The following PRORP variants were observed in gnomAD, a reference collection of about 807,000 sequenced individuals.
The protein encoded by PRORP is mitochondrial ribonuclease P catalytic subunit.
A neutral mutation model predicts 59.4 loss-of-function variants in PRORP; 51 were observed. That is an observed-to-expected ratio of 0.86 (90% confidence interval 0.69 to 1.08). The LOEUF (loss-of-function observed/expected upper bound fraction) is 1.08. PRORP is among the 50% of genes least tolerant of loss of function. The probability of loss-of-function intolerance (pLI) is 0.00; values close to 1 mark genes in which losing one functional copy is unlikely to be tolerated. For synonymous variants in PRORP, 231 were observed against 245.6 expected (o/e 0.94, Z 0.55); for missense variants, 646 against 690.3 (o/e 0.94, Z 0.72).
chr14:35,164,839 CTT>C (rs902671810), intron 4 of PRORP, among the ~76,000 whole-genome samples: 3 of 152,112 alleles, frequency 2.0e-5, no homozygotes, highest in African/African-American at 7.2e-5. Flanking sequence ...TTATTAGTCT[CTT>C]TTGGGGAGGG....
chr14:35,151,645 C>CACACAG (rs1274022431), intron 4 of PRORP, among the ~76,000 whole-genome samples: 1 of 96,546 alleles, frequency 1.0e-5, no homozygotes, highest in African/African-American at 3.0e-5. Context: ...CACATACACA[C>CACACAG]ACACACACAC....
chr14:35,158,865 C>A (rs949800196), intron 4 of PRORP: 11 of 304,572 alleles, frequency 3.6e-5, no homozygotes, highest in Non-Finnish European at 6.4e-5. Flanking sequence ...CTGGAGAATG[C>A]AAATCTATGA....
rs2047461488 is a variant in PRORP at position 35,140,612 on chromosome 14, A to G, written c.1167+13001A>G. Reference sequence around the variant, plus strand: ...GTCCTAAGTCCAATATATTTTACAAATATTTTCTGTCAGTCTGTGGTTGAC... The same window carrying G: ...GTCCTAAGTCCAATATATTTTACAAGTATTTTCTGTCAGTCTGTGGTTGAC... On this transcript the variant is annotated intron_variant, in intron 4 of 7. Transcript: ENST00000534898. Among the ~76,000 whole-genome samples, 2 of 145,616 alleles carry G rather than the reference A, an allele frequency of 1.4e-5. 1 individual carries two copies. Among genetic ancestry groups the G allele is most frequent in the Non-Finnish European group, 3.1e-5 (2 of 65,572 alleles).
At chr14:35,178,062 T>A (rs7401469) in intron 4 of PRORP, among the ~76,000 whole-genome samples, 61,196 of 151,826 alleles carry the variant, frequency 0.4, 12,821 homozygotes, top group East Asian at 0.69. Context: ...GTTGAGTGAG[T>A]TTCTTAATCC....
At chr14:35,238,431 A>G (rs1371324630) in intron 5 of PRORP, among the ~76,000 whole-genome samples, 2 of 152,234 alleles carry the variant, frequency 1.3e-5, no homozygotes. Context: ...GGAAAATGAC[A>G]CAAAGAAAGC....
Position 35,152,876 on chromosome 14 carries a change from G to A in PRORP, c.1167+25265G>A, listed in dbSNP as rs879975422. 1.3e-4 allele frequency among the ~76,000 whole-genome samples: 20 copies of A among 151,538 alleles called. 1 individual carries two copies. The highest frequency in any genetic ancestry group is 3.5e-3 in the Middle Eastern group (1 of 288). ...ATCCTCATTTCCTAGACGGGATGGC[G>A]GCTGGGAAGAGGCGCTCCTCACTTC... On this transcript the variant is annotated intron_variant, in intron 4 of 7. Transcript: ENST00000534898.
At chr14:35,262,889 A>G in intron 5 of PRORP, 3 of 1,556,136 alleles carry the variant, frequency 1.9e-6, no homozygotes, top group Non-Finnish European at 2.7e-6. Flanking sequence ...AAGATGAATT[A>G]ATCCTTGAAG....
At chr14:35,157,748 A>G (rs187163752) in intron 4 of PRORP, among the ~76,000 whole-genome samples, 5 of 152,340 alleles carry the variant, frequency 3.3e-5, no homozygotes, top group Admixed American at 3.3e-4. Context: ...CTTAATCTCC[A>G]TTAAGAACAA....
intron 5 of PRORP, among the ~76,000 whole-genome samples, chr14:35,210,837 C>T (rs1355626671): frequency 7.4e-6 from 1 of 135,028 alleles, no homozygotes; most frequent in Admixed American, 8.4e-5. Flanking sequence ...TGAAATGGCT[C>T]ACTGCTGCCT....
chr14:35,263,531 A>T (rs2050959740), intron 5 of PRORP, among the ~76,000 whole-genome samples: 1 of 129,954 alleles, frequency 7.7e-6, no homozygotes, highest in Admixed American at 8.0e-5. Context: ...TACTAAAAAT[A>T]CAAAAATTAG....
At chr14:35,267,847 A>G (rs1275994051) in intron 6 of PRORP, among the ~76,000 whole-genome samples, 2 of 152,154 alleles carry the variant, frequency 1.3e-5, no homozygotes, top group African/African-American at 4.8e-5. Flanking sequence ...GAGGAAAGCA[A>G]CACGGCCAGT....
intron 4 of PRORP, among the ~76,000 whole-genome samples, chr14:35,159,970 G>A (rs922511730): frequency 3.3e-5 from 5 of 152,342 alleles, no homozygotes; most frequent in Middle Eastern, 3.4e-3. Flanking sequence ...AGAAGAAAAG[G>A]TGTGCAAACC....
At chr14:35,187,999 G>GCCA (rs946613382) in intron 5 of PRORP, among the ~76,000 whole-genome samples, 19 of 144,452 alleles carry the variant, frequency 1.3e-4, no homozygotes, top group African/African-American at 4.9e-4. Flanking sequence ...TACAGGCACG[G>GCCA]CCACCACACC....
intron 4 of PRORP, among the ~76,000 whole-genome samples, chr14:35,165,238 C>T (rs990071301): frequency 6.6e-6 from 1 of 151,976 alleles, no homozygotes; most frequent in African/African-American, 2.4e-5. Flanking sequence ...ACCTGGAACT[C>T]CTGGGCTCTG....
At chr14:35,152,652 G>A (rs1052627207) in intron 4 of PRORP, among the ~76,000 whole-genome samples, 8 of 151,868 alleles carry the variant, frequency 5.3e-5, no homozygotes, top group African/African-American at 1.9e-4. Flanking sequence ...CTGCCTGGCG[G>A]AGACGCTCCT....
At chr14:35,180,813 T>A in intron 5 of PRORP, 36 bp downstream of exon 5, 1 of 1,317,254 alleles carries the variant, frequency 7.6e-7, no homozygotes, top group East Asian at 2.3e-5. Context: ...TCCACATCTC[T>A]AGAAATATTT....
chr14:35,153,153 C>T lies in PRORP; in HGVS notation c.1167+25542C>T, dbSNP rs189907536. 1.7e-3 allele frequency among the ~76,000 whole-genome samples: 255 copies of T among 152,346 alleles called. 1 individual carries two copies. The highest frequency in any genetic ancestry group is 5.8e-3 in the African/African-American group (243 of 41,574). ...TCTCAATCCCGGCACCTCGGGAGGC[C>T]GAGGCTGGCGGATCACTCGCGGTTA... On this transcript the variant is annotated intron_variant, in intron 4 of 7. Coordinates refer to ENST00000534898, the MANE Select transcript of PRORP (RefSeq NM_014672.4).
In PRORP at chr14:35,124,129, A is replaced by G; in HGVS notation, c.884A>G (p.Asp295Gly). 3.1e-6 allele frequency: 5 copies of G among 1,611,718 alleles called. No individual in the cohort carries two copies. The highest frequency in any genetic ancestry group is 4.2e-6 in the Non-Finnish European group (5 of 1,178,782). The change falls in exon 2 of 8, where the codon GAT becomes GGT. Residue 295 changes from aspartate (D) to glycine (G), a missense_variant. Asp to Gly is a moderately conservative substitution (Grantham distance 94). Coordinates refer to ENST00000534898, the MANE Select transcript of PRORP (RefSeq NM_014672.4). Reference sequence around the variant, plus strand: ...GATTTTGGAAAAGACATAAAGGATGATAACTATTCAAATAAACTACTAGAT... The same window carrying G: ...GATTTTGGAAAAGACATAAAGGATGGTAACTATTCAAATAAACTACTAGAT... ...FFDFGKDIKD[D>G]NYSNKLLDIL...
At chr14:35,273,409 G>A (rs772592508) in intron 7 of PRORP, 26 bp from the exon 8 acceptor site, 5 of 1,592,704 alleles carry the variant, frequency 3.1e-6, no homozygotes, top group Middle Eastern at 1.7e-4. Context: ...TGTTCTCAAT[G>A]TTTTGTTCTC....
Sources: gnomAD v4.1 joint callset for allele counts (sites outside exome capture counted in the v4.1 genomes callset) on GRCh38, gnomAD v4.1.1 for gene constraint, MANE v1.5 for transcripts, NCBI Gene and HGNC (gene_info 2026-07-23, HGNC 2026-07-21) for gene names.